The following GRID1 variants were observed in gnomAD, a reference collection of about 807,000 sequenced individuals.
The protein encoded by GRID1 is glutamate ionotropic receptor delta type subunit 1.
A neutral mutation model predicts 98.0 loss-of-function variants in GRID1; 28 were observed. The observed-to-expected ratio is 0.29, with a 90% CI of 0.21 to 0.39. GRID1 has a LOEUF of 0.39. GRID1 is among the 10% of genes least tolerant of loss of function. The probability of loss-of-function intolerance (pLI) is 1.00; values close to 1 mark genes in which losing one functional copy is unlikely to be tolerated. For synonymous variants in GRID1, 553 were observed against 538.5 expected, an observed-to-expected ratio of 1.03 and a Z score of -0.37; for missense variants, 1,111 against 1,340.5, an observed-to-expected ratio of 0.83 and a Z score of 2.67.
At chr10:85,745,723 TA>T (rs143199820) in intron 8 of GRID1, among the ~76,000 whole-genome samples, 3,493 of 131,328 alleles carry the variant, frequency 0.027, 48 homozygotes, top group South Asian at 0.042. Flanking sequence ...AAAGTATAAT[TA>T]AAAAAAAAAA....
intron 2 of GRID1, among the ~76,000 whole-genome samples, chr10:86,305,718 A>G (rs1293612577): frequency 6.6e-6 from 1 of 152,216 alleles, no homozygotes; most frequent in Non-Finnish European, 1.5e-5. Context: ...CCCTGGGGCC[A>G]GAACAGATGG....
At chr10:86,308,177 C>A (rs1847785071) in intron 2 of GRID1, among the ~76,000 whole-genome samples, 1 of 152,168 alleles carries the variant, frequency 6.6e-6, no homozygotes, top group Non-Finnish European at 1.5e-5. Context: ...CTGTGCCACC[C>A]TAGACACTCA....
intron 12 of GRID1, among the ~76,000 whole-genome samples, chr10:85,661,894 G>A (rs1482441856): frequency 6.6e-6 from 1 of 152,190 alleles, no homozygotes; most frequent in African/African-American, 2.4e-5. Flanking sequence ...CAAGAGAAAT[G>A]AGCATTCCAA....
intron 5 of GRID1, among the ~76,000 whole-genome samples, chr10:85,886,511 A>G (rs115991797): frequency 0.012 from 1,841 of 152,310 alleles, 36 homozygotes; most frequent in African/African-American, 0.041. Flanking sequence ...TATCCAAAAC[A>G]GCCAATTTCT....
intron 2 of GRID1, among the ~76,000 whole-genome samples, chr10:86,348,781 A>G (rs970714270): frequency 5.3e-5 from 8 of 152,256 alleles, no homozygotes; most frequent in Non-Finnish European, 7.3e-5. Context: ...AGTGCCGATC[A>G]GTGCGTACTG....
chr10:86,268,669 T>C (rs905074957), intron 2 of GRID1, among the ~76,000 whole-genome samples: 2 of 152,160 alleles, frequency 1.3e-5, no homozygotes, highest in African/African-American at 4.8e-5. Flanking sequence ...TCTGAAAAAG[T>C]AAGAGGCACG....
intron 2 of GRID1, among the ~76,000 whole-genome samples, chr10:86,336,206 T>G (rs1453954609): frequency 6.6e-6 from 1 of 152,234 alleles, no homozygotes; most frequent in Non-Finnish European, 1.5e-5. Flanking sequence ...AGAAGGAGAT[T>G]GTTTCACAGT....
chr10:85,619,973 T>C lies in GRID1; in HGVS notation c.2254A>G (p.Thr752Ala), dbSNP rs1041875427. 3.7e-6 allele frequency: 6 copies of C among 1,614,054 alleles called. No individual in the cohort carries two copies. The highest frequency in any genetic ancestry group is 4.2e-6 in the Non-Finnish European group (5 of 1,179,928). ...ACAGTCACCGAGCAGTCGTCATCCGTCAGGGCTGCGTATTCCACCACGGCC... is the reference window on the plus strand; with the variant it reads ...ACAGTCACCGAGCAGTCGTCATCCGCCAGGGCTGCGTATTCCACCACGGCC... ...DVAVVEYAAL[T>A]DDDCSVTVIG... Residue 752 changes from threonine (T) to alanine (A), a missense_variant, in exon 14 of 16, where the codon ACG (threonine) becomes GCG (alanine). Transcript: ENST00000327946.
chr10:85,788,668 A>G (rs761287352), intron 8 of GRID1, among the ~76,000 whole-genome samples: 11 of 152,234 alleles, frequency 7.2e-5, no homozygotes, highest in Admixed American at 2.0e-4. Context: ...TTCTTCCGTT[A>G]GGAAAGTCTT....
Position 85,764,787 on chromosome 10 carries a change from A to G in GRID1, c.1234-35173T>C, listed in dbSNP as rs989690342. On this transcript the variant is annotated intron_variant, in intron 8 of 15. Coordinates refer to ENST00000327946, the MANE Select transcript of GRID1 (RefSeq NM_017551.3). The stretch of plus-strand genomic sequence containing the variant: ...TAGCTTGCATTGTGTTTAACATTGC[A>G]TGCATGTCAGCCATAGTACAGGCCC... Among the ~76,000 whole-genome samples the G allele has an allele frequency of 3.2e-4, 49 of 152,232 alleles. 2 individuals carry two copies. Among genetic ancestry groups the G allele is most frequent in the Admixed American group, 6.5e-5 (1 of 15,290 alleles).
chr10:85,905,674 T>A (rs1317094282), intron 5 of GRID1, among the ~76,000 whole-genome samples: 1 of 152,132 alleles, frequency 6.6e-6, no homozygotes, highest in African/African-American at 2.4e-5. Context: ...TGTGGTGTAG[T>A]ATAATATCAC....
intron 4 of GRID1, among the ~76,000 whole-genome samples, chr10:86,038,319 A>C (rs996185811): frequency 4.6e-5 from 7 of 152,342 alleles, no homozygotes; most frequent in Non-Finnish European, 7.3e-5. Flanking sequence ...ATTGGCTCCC[A>C]TGAACAGCTA....
chr10:85,996,786 G>A (rs1292214388), intron 4 of GRID1, among the ~76,000 whole-genome samples: 2 of 149,008 alleles, frequency 1.3e-5, no homozygotes, highest in African/African-American at 5.0e-5. Context: ...CTGAGATCAT[G>A]CTATTGCACT....
chr10:85,969,538 G>A (rs1237270499), intron 4 of GRID1, among the ~76,000 whole-genome samples: 3 of 152,062 alleles, frequency 2.0e-5, no homozygotes, highest in Non-Finnish European at 4.4e-5. Flanking sequence ...ATACTAGAAG[G>A]AAATTTCGAA....
intron 4 of GRID1, among the ~76,000 whole-genome samples, chr10:86,084,567 A>C (rs570199363): frequency 6.6e-6 from 1 of 152,336 alleles, no homozygotes; most frequent in South Asian, 2.1e-4. Flanking sequence ...CAGGGTCTCA[A>C]AGAGATACTT....
At chr10:85,718,617 G>A (rs1465078157) in intron 12 of GRID1, among the ~76,000 whole-genome samples, 1 of 152,246 alleles carries the variant, frequency 6.6e-6, no homozygotes, top group East Asian at 1.9e-4. Context: ...CACAGCCCAA[G>A]CTCTGTGTTG....
intron 8 of GRID1, among the ~76,000 whole-genome samples, chr10:85,817,617 G>T (rs775732070): frequency 2.7e-5 from 4 of 149,746 alleles, no homozygotes; most frequent in Non-Finnish European, 5.9e-5. Flanking sequence ...CAGAAGGCCA[G>T]GTGCAGTGGC....
chr10:85,940,721 TCTTCTGTGGAGGTTCTGTTAAA>T (rs1841988116), intron 4 of GRID1, among the ~76,000 whole-genome samples: 2 of 152,216 alleles, frequency 1.3e-5, no homozygotes, highest in African/African-American at 4.8e-5. Flanking sequence ...TTAAATCTTG[TCTTCTGTGGAGGTTCTGTTAAA>T]CTTCTGGATG....
At chr10:85,824,250 G>A (rs1409201156) in intron 8 of GRID1, among the ~76,000 whole-genome samples, 1 of 152,070 alleles carries the variant, frequency 6.6e-6, no homozygotes, top group Non-Finnish European at 1.5e-5. Flanking sequence ...GTACGATCCG[G>A]CGAGAGACTG....
Sources: allele counts gnomAD v4.1 joint callset (sites outside exome capture counted in the v4.1 genomes callset), GRCh38; gene constraint gnomAD v4.1.1; transcripts MANE v1.5; gene names NCBI Gene and HGNC (gene_info 2026-07-23, HGNC 2026-07-21).